Variants in PCMTD1 observed in about 807,000 individuals in gnomAD.
The protein encoded by PCMTD1 is protein-L-isoaspartate O-methyltransferase domain-containing protein 1.
Under a neutral mutation model 37.6 loss-of-function variants are expected in PCMTD1, and 12 were observed. The observed-to-expected ratio is 0.32, with a 90% CI of 0.20 to 0.52. The LOEUF is 0.52. Among genes scored for constraint, PCMTD1 ranks in the 20% least tolerant of loss-of-function variants. PCMTD1 has a pLI of 0.97. For synonymous variants in PCMTD1, 117 were observed against 135.8 expected (o/e 0.86, Z 0.96); for missense variants, 235 against 421.3 (o/e 0.56, Z 3.87).
intron 1 of PCMTD1, among the ~76,000 whole-genome samples, chr8:51,863,159 G>C (rs186439410): frequency 6.6e-6 from 1 of 152,072 alleles, no homozygotes; most frequent in South Asian, 2.1e-4. Flanking sequence ...TCAGTATCCA[G>C]TGTGGCATTT....
chr8:51,826,127 A>G (rs1563335005), intron 5 of PCMTD1, among the ~76,000 whole-genome samples: 1 of 152,258 alleles, frequency 6.6e-6, no homozygotes, highest in Non-Finnish European at 1.5e-5. Flanking sequence ...ATGTCCATCA[A>G]TGATATGCTG....
chr8:51,831,596 GAAC>G (rs1223298037), intron 4 of PCMTD1, 29 bp from the exon 5 acceptor site: 15 of 1,594,946 alleles, frequency 9.4e-6, no homozygotes, highest in Non-Finnish European at 1.3e-5. Flanking sequence ...GAAAGAAAGT[GAAC>G]AACTTAATCC....
chr8:51,861,535 T>C (rs2038469378), intron 1 of PCMTD1, among the ~76,000 whole-genome samples: 1 of 152,130 alleles, frequency 6.6e-6, no homozygotes, highest in Non-Finnish European at 1.5e-5. Flanking sequence ...TAGTCACACA[T>C]GGCTACCTAG....
intron 1 of PCMTD1, among the ~76,000 whole-genome samples, chr8:51,886,503 C>T (rs2038866340): frequency 6.6e-6 from 1 of 152,102 alleles, no homozygotes; most frequent in South Asian, 2.1e-4. Flanking sequence ...CATTTTGATT[C>T]ATCTGCCCAG....
chr8:51,858,969 A>T (rs2038431904), intron 2 of PCMTD1, among the ~76,000 whole-genome samples: 1 of 152,190 alleles, frequency 6.6e-6, no homozygotes, highest in South Asian at 2.1e-4. Context: ...CTGGCCACAG[A>T]CATCTAATCT....
In PCMTD1 at chr8:51,818,060, A is replaced by G; in HGVS notation, c.*2291T>C. On this transcript the variant is annotated 3_prime_UTR_variant, in exon 6 of 6. Coordinates refer to ENST00000522514, the MANE Select transcript of PCMTD1 (RefSeq NM_052937.4). ...GCTACTTTTCCACCTATAAAGCGTA[A>G]TTTTCCATATCAAGTAAACATAAAT... 2.5e-6 allele frequency: 1 copy of G among 403,510 alleles called. No homozygotes were observed. Among genetic ancestry groups the G allele is most frequent in the South Asian group, 1.9e-5 (1 of 53,662 alleles). The allele number at this position is 403,510 out of a possible 1,614,324, so 25.0% of individuals were successfully genotyped here.
At chr8:51,845,111 C>T (rs4294173) in intron 3 of PCMTD1, 104,670 of 152,210 alleles carry the variant, frequency 0.69, 42,430 homozygotes, top group Non-Finnish European at 0.9. Flanking sequence ...GACCAAAGCC[C>T]GTGCAATGTT....
intron 3 of PCMTD1, 37 bp downstream of exon 3, chr8:51,845,624 G>T: frequency 7.0e-7 from 1 of 1,427,446 alleles, no homozygotes; most frequent in Non-Finnish European, 9.9e-7. Context: ...TATCTATTAA[G>T]TGATTTTAAA....
chr8:51,837,996 A>G (rs1433830698), intron 3 of PCMTD1, among the ~76,000 whole-genome samples: 1 of 152,056 alleles, frequency 6.6e-6, no homozygotes, highest in African/African-American at 2.4e-5. Context: ...GATGTTGCCC[A>G]GGCTGGTTCT....
intron 5 of PCMTD1, among the ~76,000 whole-genome samples, chr8:51,821,079 T>C (rs948828561): frequency 3.4e-5 from 5 of 146,344 alleles, no homozygotes; most frequent in Admixed American, 6.7e-5. Context: ...TTTTGATGTA[T>C]AAATCATATG....
intron 5 of PCMTD1, among the ~76,000 whole-genome samples, chr8:51,826,423 T>G (rs1458254632): frequency 2.0e-5 from 3 of 152,098 alleles, no homozygotes; most frequent in African/African-American, 7.2e-5. Flanking sequence ...CTAATGTAGG[T>G]CATGGGTTGA....
chr8:51,897,077 C>T (rs954969855), intron 1 of PCMTD1, among the ~76,000 whole-genome samples: 1 of 152,154 alleles, frequency 6.6e-6, no homozygotes, highest in Non-Finnish European at 1.5e-5. Flanking sequence ...TAAAATACTA[C>T]ACAATTTGGC....
chr8:51,866,453 G>T (rs2038556984), intron 1 of PCMTD1, among the ~76,000 whole-genome samples: 1 of 151,908 alleles, frequency 6.6e-6, no homozygotes, highest in African/African-American at 2.4e-5. Context: ...AAAGTAGATG[G>T]AGAGACCAGA....
intron 1 of PCMTD1, among the ~76,000 whole-genome samples, chr8:51,877,258 C>T (rs537903690): frequency 9.9e-5 from 15 of 152,264 alleles, no homozygotes; most frequent in South Asian, 6.2e-4. Context: ...CTGCTCTGTC[C>T]GGTTTTCACT....
At chr8:51,828,699 C>T (rs899249852) in intron 5 of PCMTD1, among the ~76,000 whole-genome samples, 3 of 152,162 alleles carry the variant, frequency 2.0e-5, no homozygotes, top group African/African-American at 4.8e-5. Context: ...GGCCATAGTT[C>T]CACCATAAGT....
chr8:51,888,571 T>C (rs1016485237), intron 1 of PCMTD1, among the ~76,000 whole-genome samples: 4 of 152,164 alleles, frequency 2.6e-5, no homozygotes, highest in Non-Finnish European at 5.9e-5. Context: ...ATCAAATATA[T>C]GCATGAAAGT....
intron 3 of PCMTD1, chr8:51,839,501 G>T: frequency 2.0e-6 from 2 of 985,372 alleles, no homozygotes; most frequent in Non-Finnish European, 2.4e-6. Context: ...TCTTGAGATG[G>T]ACAGATGATT....
rs2129270507 is a variant in PCMTD1 at position 51,817,850 on chromosome 8, A to G, written c.*2501T>C. The G allele has an allele frequency of 8.8e-6, 4 of 456,792 alleles. No homozygotes were observed. The highest frequency in any genetic ancestry group is 6.2e-5 in the South Asian group (4 of 64,574). 28.3% of individuals were successfully genotyped at this position (456,792 alleles called of 1,614,324 possible). On this transcript the variant is annotated 3_prime_UTR_variant, in exon 6 of 6. Transcript: ENST00000522514. ...TTCTTGGGATTGATCTGATGCTAGA[A>G]GCTATCTTAGGCCCTGTCTCTAACT...
intron 4 of PCMTD1, among the ~76,000 whole-genome samples, chr8:51,832,772 C>A (rs552472094): frequency 1.1e-4 from 16 of 151,982 alleles, no homozygotes; most frequent in Non-Finnish European, 1.9e-4. Context: ...TGAGTCTATT[C>A]GGTACTAATG....
Sources: gnomAD v4.1 joint callset for allele counts (sites outside exome capture counted in the v4.1 genomes callset) on GRCh38, gnomAD v4.1.1 for gene constraint, MANE v1.5 for transcripts, NCBI Gene and HGNC (gene_info 2026-07-23, HGNC 2026-07-21) for gene names.